Variants in ADAMTSL3 observed in about 807,000 individuals in gnomAD.
ADAMTSL3 encodes the protein ADAMTS like 3, also known as ADAMTS-like protein 3.
A neutral mutation model predicts 201.7 loss-of-function variants in ADAMTSL3; 128 were observed. The ratio of observed to expected loss-of-function variants is 0.63; its 90% CI spans 0.55 to 0.73. The LOEUF is 0.73. ADAMTSL3 is among the 30% of genes least tolerant of loss of function. The pLI is 0.00. For synonymous variants in ADAMTSL3, 738 were observed against 748.4 expected (o/e 0.99, Z 0.23); for missense variants, 1,990 against 2,119.6 (o/e 0.94, Z 1.20).
intron 2 of ADAMTSL3, among the ~76,000 whole-genome samples, chr15:83,666,223 T>G (rs1265109765): frequency 6.6e-6 from 1 of 152,202 alleles, no homozygotes; most frequent in African/African-American, 2.4e-5. Flanking sequence ...TTTCCTATAA[T>G]GATATTAAAT....
At chr15:83,925,432 C>T (rs567800678) in intron 17 of ADAMTSL3, among the ~76,000 whole-genome samples, 7 of 152,290 alleles carry the variant, frequency 4.6e-5, no homozygotes, top group Non-Finnish European at 7.4e-5. Flanking sequence ...GTAGACTTAC[C>T]TTGGTGAGCA....
chr15:83,680,931 T>A (rs2061468670), intron 2 of ADAMTSL3, among the ~76,000 whole-genome samples: 1 of 152,208 alleles, frequency 6.6e-6, no homozygotes, highest in Non-Finnish European at 1.5e-5. Context: ...TTTAGTTTAT[T>A]TTCTAGAATA....
intron 2 of ADAMTSL3, among the ~76,000 whole-genome samples, chr15:83,668,394 T>G (rs2061279134): frequency 6.6e-6 from 1 of 152,114 alleles, no homozygotes; most frequent in African/African-American, 2.4e-5. Flanking sequence ...TTTTCTCTTT[T>G]TTTTTTCTCA....
rs1458455182 is a variant in ADAMTSL3, at chr15:83,899,853, C to T, written c.1700+122C>T. On this transcript the variant is annotated intron_variant, in intron 15 of 29. Coordinates refer to ENST00000286744, the MANE Select transcript of ADAMTSL3 (RefSeq NM_207517.3). ...TATCCAAATGACCTGGATTTACAGA[C>T]TCTAGAGAGCTTGAGCTGGCTAGAA... 2.3e-6 allele frequency: 3 copies of T among 1,291,974 alleles called. No homozygotes were observed. In the African/African-American group the frequency reaches 4.6e-5, roughly 20 times the overall value. 80.0% of individuals were successfully genotyped at this position (1,291,974 alleles called of 1,614,324 possible). A position where few individuals can be genotyped will look rare whatever the true frequency, so the allele number is the denominator to read the frequency against.
chr15:84,033,181 G>C (rs1014866533), intron 28 of ADAMTSL3, among the ~76,000 whole-genome samples: 1 of 151,768 alleles, frequency 6.6e-6, no homozygotes, highest in Admixed American at 6.6e-5. Context: ...CTGTCCAACT[G>C]GTCCCCCTTC....
chr15:83,902,164 C>G (rs1406188619), intron 15 of ADAMTSL3, among the ~76,000 whole-genome samples: 1 of 152,162 alleles, frequency 6.6e-6, no homozygotes, highest in African/African-American at 2.4e-5. Flanking sequence ...AATCAGTTCC[C>G]AGGACACCTA....
intron 3 of ADAMTSL3, among the ~76,000 whole-genome samples, chr15:83,746,591 T>C (rs2141657063): frequency 6.6e-6 from 1 of 152,264 alleles, no homozygotes; most frequent in East Asian, 1.9e-4. Flanking sequence ...CTGTTTGCAG[T>C]TAACTGGGAA....
intron 4 of ADAMTSL3, among the ~76,000 whole-genome samples, chr15:83,798,806 CAAAAA>C (rs11340224): frequency 1.3e-5 from 1 of 76,346 alleles, no homozygotes; most frequent in African/African-American, 4.7e-5. Context: ...GACTCCGTCT[CAAAAA>C]AAAAAAAAAA....
chr15:83,795,633 A>G (rs2063413300), intron 4 of ADAMTSL3, among the ~76,000 whole-genome samples: 1 of 152,194 alleles, frequency 6.6e-6, no homozygotes, highest in African/African-American at 2.4e-5. Context: ...ATGAAAAAAA[A>G]ATTCCACGTT....
intron 19 of ADAMTSL3, among the ~76,000 whole-genome samples, chr15:83,956,942 C>A (rs2066873784): frequency 6.6e-6 from 1 of 152,140 alleles, no homozygotes; most frequent in East Asian, 1.9e-4. Context: ...GAACCAGAGA[C>A]AACTAAGAAT....
Position 83,772,065 on chromosome 15 carries a change from G to C in ADAMTSL3, c.190-1458G>C, listed in dbSNP as rs373332885. On this transcript the variant is annotated intron_variant, in intron 3 of 29. Transcript: ENST00000286744. The stretch of plus-strand genomic sequence containing the variant: ...GATGGGGTTTTGCCATGTTGCCCAG[G>C]CTGGTCTTGAACTCCTGAGCTCAGG... Among the ~76,000 whole-genome samples the C allele has an allele frequency of 5.9e-5, 9 of 152,158 alleles. No homozygotes were observed. The East Asian group carries it at 9.7e-4, about 16-fold the overall frequency.
At chr15:83,886,696 G>A (rs776631068) in intron 10 of ADAMTSL3, among the ~76,000 whole-genome samples, 10 of 152,110 alleles carry the variant, frequency 6.6e-5, no homozygotes, top group African/African-American at 1.2e-4. Context: ...GAAGCCTACC[G>A]CATATCAATT....
intron 16 of ADAMTSL3, among the ~76,000 whole-genome samples, chr15:83,921,857 TA>T (rs2066151422): frequency 1.1e-5 from 1 of 87,016 alleles, no homozygotes; most frequent in Admixed American, 1.4e-4. Context: ...CTAATTTTTG[TA>T]TTTTTTTTTT....
intron 29 of ADAMTSL3, 127 bp from the exon 30 acceptor site, chr15:84,037,573 C>A: frequency 1.9e-6 from 2 of 1,061,632 alleles, no homozygotes; most frequent in Non-Finnish European, 2.7e-6. Flanking sequence ...AAACAATGGC[C>A]CTAACCCAAA....
At chr15:83,755,675 T>C (rs73437223) in intron 3 of ADAMTSL3, among the ~76,000 whole-genome samples, 1 of 152,208 alleles carries the variant, frequency 6.6e-6, no homozygotes, top group Non-Finnish European at 1.5e-5. Context: ...CAGTGGACAT[T>C]TGGGTTGTCT....
chr15:83,747,570 C>T (rs1007296104), intron 3 of ADAMTSL3, among the ~76,000 whole-genome samples: 2 of 152,188 alleles, frequency 1.3e-5, no homozygotes, highest in African/African-American at 4.8e-5. Flanking sequence ...GGCTGAAGGA[C>T]ATTCTCCAAG....
At chr15:83,677,725 C>A (rs2061425873) in intron 2 of ADAMTSL3, among the ~76,000 whole-genome samples, 1 of 151,958 alleles carries the variant, frequency 6.6e-6, no homozygotes, top group Non-Finnish European at 1.5e-5. Context: ...TTCTGCCCAT[C>A]TCTATCTGGT....
In ADAMTSL3 at chr15:83,982,805, G is replaced by A. The variant is rs1248497964; in HGVS notation, c.3177G>A (p.Leu1059=). 6.2e-7 allele frequency: 1 copy of A among 1,614,140 alleles called. No individual in the cohort carries two copies. Among genetic ancestry groups the A allele is most frequent in the Non-Finnish European group, 8.5e-7 (1 of 1,180,038 alleles). The part of the protein sequence containing the change: ...HISNQPFLRA[L]LGHCSNSAGS... ...GTAACCAGCCTTTCTTGAGAGCTCT[G>A]TTAGGCCACTGCAGCAATTCTGCAG... The change falls in exon 21 of 30, where the codon CTG becomes CTA. Residue 1059 remains leucine (L), a synonymous_variant. Coordinates refer to ENST00000286744, the MANE Select transcript of ADAMTSL3 (RefSeq NM_207517.3).
chr15:83,676,544 G>C (rs1207002293), intron 2 of ADAMTSL3, among the ~76,000 whole-genome samples: 1 of 152,164 alleles, frequency 6.6e-6, no homozygotes, highest in Admixed American at 6.5e-5. Context: ...CGGGCTTGGT[G>C]GTGGGCGCCT....
Sources: allele counts gnomAD v4.1 joint callset (sites outside exome capture counted in the v4.1 genomes callset), GRCh38; gene constraint gnomAD v4.1.1; transcripts MANE v1.5; gene names NCBI Gene and HGNC (gene_info 2026-07-23, HGNC 2026-07-21).